The following TRAK1 variants were observed in gnomAD, a reference collection of about 807,000 sequenced individuals.
TRAK1 encodes trafficking kinesin protein 1.
A neutral mutation model predicts 92.1 loss-of-function variants in TRAK1; 33 were observed. The ratio of observed to expected loss-of-function variants is 0.36; its 90% CI spans 0.27 to 0.48. The LOEUF (loss-of-function observed/expected upper bound fraction) is 0.48, where lower values mean the gene tolerates loss of function less well. Among genes scored for constraint, TRAK1 ranks in the 20% least tolerant of loss-of-function variants. The pLI, the probability that TRAK1 is intolerant of heterozygous loss-of-function variation, is 0.99. For missense variants in TRAK1, 1,123 were observed against 1,257.9 expected (o/e 0.89, Z 1.62); for synonymous variants, 521 against 517.3 (o/e 1.01, Z -0.10).
chr3:42,160,470 G>T (rs1304870409), intron 2 of TRAK1: 5 of 1,614,014 alleles, frequency 3.1e-6, no homozygotes, highest in Non-Finnish European at 4.2e-6. Context: ...CCTCTTGGAA[G>T]AGGGTAAATT....
chr3:42,149,555 C>A (rs1018509561), intron 2 of TRAK1: 2 of 1,536,030 alleles, frequency 1.3e-6, no homozygotes, highest in East Asian at 2.4e-5. Context: ...TTTATCGAAG[C>A]GGATTATTAT....
chr3:42,203,413 G>GT, intron 13 of TRAK1: 1 of 984,342 alleles, frequency 1.0e-6, no homozygotes, highest in Non-Finnish European at 1.2e-6. Context: ...CAGTTCATGT[G>GT]TTAGTATCAG....
chr3:42,209,666 C>T (rs1332443316), intron 13 of TRAK1, 101 bp from the exon 14 acceptor site: 10 of 1,227,166 alleles, frequency 8.1e-6, no homozygotes, highest in African/African-American at 1.5e-5. Context: ...CTGGGGTTCA[C>T]GCTAAGCACT....
intron 1 of TRAK1, among the ~76,000 whole-genome samples, chr3:42,095,459 T>A (rs921930672): frequency 6.6e-6 from 1 of 152,190 alleles, no homozygotes; most frequent in Non-Finnish European, 1.5e-5. Flanking sequence ...ATGCACGTGG[T>A]AAAACTTGAA....
In TRAK1 at chr3:42,091,384, G is replaced by C; in HGVS notation, c.-86G>C. On this transcript the variant is annotated 5_prime_UTR_variant, in exon 1 of 16. Transcript: ENST00000327628. Reference sequence around the variant, plus strand: ...AAAACTGCTGAGGAAGGCACGGGAGGGTGGCTGTGCGAGGTACTGCCGGGG... The same window carrying C: ...AAAACTGCTGAGGAAGGCACGGGAGCGTGGCTGTGCGAGGTACTGCCGGGG... The C allele has an allele frequency of 1.7e-6, 2 of 1,208,048 alleles. No individual in the cohort carries two copies. The highest frequency in any genetic ancestry group is 2.4e-6 in the Non-Finnish European group (2 of 839,244). The allele number at this position is 1,208,048 out of a possible 1,614,324, so 74.8% of individuals were successfully genotyped here.
intron 1 of TRAK1, among the ~76,000 whole-genome samples, chr3:42,099,617 A>G (rs1706448708): frequency 6.6e-6 from 1 of 152,216 alleles, no homozygotes; most frequent in Non-Finnish European, 1.5e-5. Context: ...AGGGAGAGTC[A>G]TGCTGAGGGG....
chr3:42,158,571 CT>C (rs10522929), intron 2 of TRAK1, among the ~76,000 whole-genome samples: 4,780 of 145,832 alleles, frequency 0.033, 143 homozygotes, highest in African/African-American at 0.11. Context: ...ATTTCTACAC[CT>C]TTTTTTTTTT....
intron 1 of TRAK1, among the ~76,000 whole-genome samples, chr3:42,040,745 C>G (rs1387392822): frequency 6.6e-6 from 1 of 151,058 alleles, no homozygotes; most frequent in African/African-American, 2.4e-5. Flanking sequence ...TGGCACGGAT[C>G]TCGGCTCACT....
intron 1 of TRAK1, among the ~76,000 whole-genome samples, chr3:42,104,843 G>A (rs1200076455): frequency 6.6e-6 from 1 of 151,950 alleles, no homozygotes; most frequent in African/African-American, 2.4e-5. Flanking sequence ...GCTGGACAGA[G>A]AATGACTTTG....
At chr3:42,073,557 C>T (rs1310876758) in intron 1 of TRAK1, among the ~76,000 whole-genome samples, 3 of 152,180 alleles carry the variant, frequency 2.0e-5, no homozygotes, top group Non-Finnish European at 2.9e-5. Context: ...GATTATTGTA[C>T]GGGCAGGACC....
At chr3:42,112,246 T>C (rs1708528658) in intron 1 of TRAK1, among the ~76,000 whole-genome samples, 2 of 144,988 alleles carry the variant, frequency 1.4e-5, no homozygotes, top group Admixed American at 1.4e-4. Context: ...GGTTCAAGAG[T>C]TCGATACTAG....
In TRAK1 at chr3:42,135,425, G is replaced by A. The variant is rs1050270843; in HGVS notation, c.286+9811G>A. 1.1e-4 allele frequency among the ~76,000 whole-genome samples: 16 copies of A among 152,148 alleles called. 1 individual carries two copies. The highest frequency in any genetic ancestry group is 7.2e-4 in the Admixed American group (11 of 15,268). On this transcript the variant is annotated intron_variant, in intron 2 of 15. Transcript: ENST00000327628. ...GCTCTCTTGATGGAGGGAATACCAC[G>A]GTGATGATTGAATATGAAAAGTCTT...
Position 42,189,009 on chromosome 3 carries a change from C to T in TRAK1, c.582-7C>T, listed in dbSNP as rs368538418. ...TCCCTAGGTTGTGAGCGTACTTTCTCCCCCAGGTTGAAGAGGAATGAGTCG... is the reference window on the plus strand; with the variant it reads ...TCCCTAGGTTGTGAGCGTACTTTCTTCCCCAGGTTGAAGAGGAATGAGTCG... On this transcript the variant is annotated splice_region_variant and splice_polypyrimidine_tract_variant and intron_variant, in intron 5 of 15. Transcript: ENST00000327628. 143 of 1,603,910 alleles carry T rather than the reference C, an allele frequency of 8.9e-5. No individual in the cohort carries two copies. Among genetic ancestry groups the T allele is most frequent in the Admixed American group, 1.2e-4 (7 of 59,968 alleles).
At chr3:42,085,370 T>C (rs1704622591), upstream of TRAK1, among the ~76,000 whole-genome samples, 1 of 152,196 alleles carries the variant, frequency 6.6e-6, no homozygotes, top group Non-Finnish European at 1.5e-5. Context: ...GGTTTCACCA[T>C]GTTGTCCAGG....
intron 1 of TRAK1, among the ~76,000 whole-genome samples, chr3:42,056,043 A>G (rs1277543931): frequency 6.6e-6 from 1 of 152,066 alleles, no homozygotes; most frequent in African/African-American, 2.4e-5. Context: ...ATAATATTCC[A>G]TTGTTATGTA....
intron 2 of TRAK1, among the ~76,000 whole-genome samples, chr3:42,166,092 T>C (rs550348342): frequency 1.3e-5 from 2 of 152,250 alleles, no homozygotes; most frequent in African/African-American, 4.8e-5. Context: ...TGCCAGTTTA[T>C]GCATGTGCCC....
intron 1 of TRAK1, among the ~76,000 whole-genome samples, chr3:42,045,611 G>T (rs897625880): frequency 6.6e-6 from 1 of 152,196 alleles, no homozygotes; most frequent in African/African-American, 2.4e-5. Flanking sequence ...TAGGTGGTGG[G>T]AAAACACCCT....
chr3:42,074,047 G>T (rs573411438), intron 1 of TRAK1, among the ~76,000 whole-genome samples: 292 of 152,280 alleles, frequency 1.9e-3, no homozygotes, highest in Middle Eastern at 0.017. Flanking sequence ...TAGGAGAATG[G>T]TCAGTGGTCA....
At chr3:42,209,275 G>T (rs563455280) in intron 13 of TRAK1, among the ~76,000 whole-genome samples, 33 of 152,160 alleles carry the variant, frequency 2.2e-4, no homozygotes, top group African/African-American at 8.0e-4. Context: ...TTCTCTTGCT[G>T]TTGGTCGTGG....
Sources: gnomAD v4.1 joint callset for allele counts (sites outside exome capture counted in the v4.1 genomes callset) on GRCh38, gnomAD v4.1.1 for gene constraint, MANE v1.5 for transcripts, NCBI Gene and HGNC (gene_info 2026-07-23, HGNC 2026-07-21) for gene names.